The following MGRN1 variants were observed in gnomAD, a reference collection of about 807,000 sequenced individuals.
The protein encoded by MGRN1 is E3 ubiquitin-protein ligase MGRN1.
A neutral mutation model predicts 69.2 loss-of-function variants in MGRN1; 29 were observed. The ratio of observed to expected loss-of-function variants is 0.42; its 90% CI spans 0.31 to 0.57. The LOEUF (loss-of-function observed/expected upper bound fraction) is 0.57, where lower values mean the gene tolerates loss of function less well. MGRN1 is among the 20% of genes least tolerant of loss of function. MGRN1 has a pLI of 0.15. For missense variants in MGRN1, 998 were observed against 796.2 expected, an observed-to-expected ratio of 1.25 and a Z score of -3.05; for synonymous variants, 470 against 344.2, an observed-to-expected ratio of 1.37 and a Z score of -4.04.
In MGRN1 at chr16:4,668,257, C is replaced by A; in HGVS notation, c.679-8C>A. 1 of 1,613,898 alleles carries A rather than the reference C, an allele frequency of 6.2e-7. No homozygotes were observed. On this transcript the variant is annotated splice_region_variant and splice_polypyrimidine_tract_variant and intron_variant, in intron 7 of 16. Transcript: ENST00000262370. Reference sequence around the variant, plus strand: ...CCACCTTAACCTCTTTGTCTTTCTCCCCTGCAGCACATGGACGGCAGCTTC... The same window carrying A: ...CCACCTTAACCTCTTTGTCTTTCTCACCTGCAGCACATGGACGGCAGCTTC...
intron 16 of MGRN1, among the ~76,000 whole-genome samples, chr16:4,684,287 C>T (rs1001901158): frequency 3.9e-5 from 6 of 152,248 alleles, no homozygotes; most frequent in African/African-American, 1.2e-4. Flanking sequence ...AGGGCAGATC[C>T]GGCCCCACTG....
At chr16:4,650,112 G>C (rs551891872) in intron 1 of MGRN1, 8 of 346,932 alleles carry the variant, frequency 2.3e-5, no homozygotes, top group Non-Finnish European at 3.8e-5. Flanking sequence ...AGACCATCCT[G>C]GCCAATATGG....
chr16:4,656,312 A>G (rs756375301), intron 4 of MGRN1, among the ~76,000 whole-genome samples: 1 of 152,230 alleles, frequency 6.6e-6, no homozygotes, highest in African/African-American at 2.4e-5. Context: ...AGGGGCCCTG[A>G]CTGAATCAGT....
intron 16 of MGRN1, chr16:4,687,661 G>A: frequency 1.0e-6 from 1 of 984,960 alleles, no homozygotes; most frequent in Non-Finnish European, 1.2e-6. Flanking sequence ...TAGGCAGACG[G>A]ATTGGGGACC....
rs369377042 is a variant in MGRN1, at chr16:4,668,969, ATCAC to A, written c.726+662_726+665del. Among the ~76,000 whole-genome samples, 926 of 151,992 alleles carry A rather than the reference ATCAC, an allele frequency of 6.1e-3. 5 individuals are homozygous for A. The highest frequency in any genetic ancestry group is 8.7e-3 in the Non-Finnish European group (592 of 67,940). On this transcript the variant is annotated intron_variant, in intron 8 of 16. Transcript: ENST00000262370. Reference sequence around the variant, plus strand: ...ACATATACATAGACACACTCATACAATCACTCACGCACATATACAAAGACGCATA... The same window carrying A: ...ACATATACATAGACACACTCATACAATCACGCACATATACAAAGACGCATA...
chr16:4,625,123 C>G, intron 1 of MGRN1, 75 bp downstream of exon 1: 1 of 1,359,132 alleles, frequency 7.4e-7, no homozygotes. Flanking sequence ...GGGGCGGGGA[C>G]TCGGGGCGGG....
At chr16:4,677,396 G>A in intron 10 of MGRN1, 67 bp from the exon 11 acceptor site, 1 of 1,308,730 alleles carries the variant, frequency 7.6e-7, no homozygotes, top group Non-Finnish European at 1.0e-6. Context: ...GATCCCTGGG[G>A]CTGGGAGGGT....
At chr16:4,668,124 CTTTTT>C in intron 7 of MGRN1, 136 bp from the exon 8 acceptor site, 1 of 521,378 alleles carries the variant, frequency 1.9e-6, no homozygotes, top group East Asian at 3.3e-5. Context: ...TGGCCCCACC[CTTTTT>C]TTTTTTTTTC....
chr16:4,671,522 A>G (rs2078936960), intron 9 of MGRN1, 63 bp downstream of exon 9: 1 of 1,491,538 alleles, frequency 6.7e-7, no homozygotes, highest in African/African-American at 1.4e-5. Flanking sequence ...GCAGCCGCGG[A>G]CAGCAATGCT....
chr16:4,633,716 A>C (rs555366484), intron 1 of MGRN1: 1 of 150,412 alleles, frequency 6.6e-6, no homozygotes, highest in African/African-American at 2.5e-5. Flanking sequence ...TCAATAAAAA[A>C]AATTATTATT....
Position 4,683,895 on chromosome 16 carries a change from CTG to C in MGRN1, c.1584_1585del (p.Cys528TrpfsTer7), listed in dbSNP as rs1319793143. Reference sequence around the variant, plus strand: ...TCCTGCAGGACAGCAGCCCCGAGCACTGTGGCCGAGGCCCACCTGCTGACATC... The same window carrying C: ...TCCTGCAGGACAGCAGCCCCGAGCACTGGCCGAGGCCCACCTGCTGACATC... ...NVLQDSSPEH[C>X]GRGPPADIYL... On this transcript the variant is annotated frameshift_variant, in exon 16 of 17. Coordinates refer to ENST00000262370, the MANE Select transcript of MGRN1 (RefSeq NM_015246.4). LOFTEE classifies it high-confidence loss of function. The C allele has an allele frequency of 4.6e-6, 7 of 1,523,712 alleles. No individual in the cohort carries two copies. Among genetic ancestry groups the C allele is most frequent in the Non-Finnish European group, 6.2e-6 (7 of 1,124,068 alleles). 94.4% of individuals were successfully genotyped at this position (1,523,712 alleles called of 1,614,324 possible).
chr16:4,637,814 G>C (rs2078065589), intron 1 of MGRN1, among the ~76,000 whole-genome samples: 2 of 152,272 alleles, frequency 1.3e-5, no homozygotes, highest in South Asian at 2.1e-4. Context: ...GGATGGCCCA[G>C]TGTGCCAGTG....
At chr16:4,653,129 C>T (rs558903035) in intron 4 of MGRN1, among the ~76,000 whole-genome samples, 8 of 152,222 alleles carry the variant, frequency 5.3e-5, no homozygotes, top group Non-Finnish European at 1.0e-4. Context: ...TAAGCCCCCG[C>T]TGTCACCTGA....
At chr16:4,684,404 G>T (rs372100392) in intron 16 of MGRN1, among the ~76,000 whole-genome samples, 1 of 152,260 alleles carries the variant, frequency 6.6e-6, no homozygotes, top group East Asian at 1.9e-4. Context: ...GACAGAGCAG[G>T]AGCAGGTACC....
chr16:4,680,163 AG>A, intron 12 of MGRN1, 66 bp downstream of exon 12: 2 of 1,499,938 alleles, frequency 1.3e-6, no homozygotes, highest in East Asian at 4.6e-5. Flanking sequence ...CACGACAAGT[AG>A]GGGAGATCGT....
At chr16:4,652,933 G>T in intron 4 of MGRN1, 109 bp downstream of exon 4, 1 of 1,358,040 alleles carries the variant, frequency 7.4e-7, no homozygotes, top group South Asian at 1.6e-5. Flanking sequence ...CGTGCTCTTT[G>T]ACCATACTCC....
chr16:4,664,664 C>G (rs1308891596), intron 5 of MGRN1, 45 bp from the exon 6 acceptor site: 3 of 1,603,338 alleles, frequency 1.9e-6, no homozygotes, highest in East Asian at 4.5e-5. Flanking sequence ...GGCTTCCAGG[C>G]TTGGCTGTGT....
chr16:4,681,127 A>G (rs1268634453), intron 12 of MGRN1, among the ~76,000 whole-genome samples: 1 of 152,148 alleles, frequency 6.6e-6, no homozygotes, highest in East Asian at 1.9e-4. Flanking sequence ...ACAGCTCCCA[A>G]CAGCTCAGCT....
chr16:4,687,066 T>C (rs2079339591), intron 16 of MGRN1: 2 of 985,636 alleles, frequency 2.0e-6, no homozygotes, highest in Non-Finnish European at 2.4e-6. Context: ...GGCATCACCA[T>C]GGGCCTGGCA....
Sources: gnomAD v4.1 joint callset for allele counts (sites outside exome capture counted in the v4.1 genomes callset) on GRCh38, gnomAD v4.1.1 for gene constraint, MANE v1.5 for transcripts, NCBI Gene and HGNC (gene_info 2026-07-23, HGNC 2026-07-21) for gene names.